The following PELI2 variants were observed in gnomAD, a reference collection of about 807,000 sequenced individuals.
PELI2 encodes the protein pellino E3 ubiquitin protein ligase family member 2.
In PELI2, 23 loss-of-function variants were observed where a neutral mutation model predicts 42.3. The ratio of observed to expected loss-of-function variants is 0.54; its 90% CI spans 0.39 to 0.77. PELI2 has a LOEUF of 0.77. PELI2 is among the 30% of genes least tolerant of loss of function. PELI2 has a pLI of 0.00. For synonymous variants in PELI2, 245 were observed against 212.2 expected (o/e 1.15, Z -1.34); for missense variants, 463 against 553.2 (o/e 0.84, Z 1.64).
Position 56,178,316 on chromosome 14 carries a change from C to T in PELI2, c.78-19C>T. 1 of 1,613,272 alleles carries T rather than the reference C, an allele frequency of 6.2e-7. No homozygotes were observed. Among genetic ancestry groups the T allele is most frequent in the Non-Finnish European group, 8.5e-7 (1 of 1,179,338 alleles). On this transcript the variant is annotated intron_variant, in intron 1 of 5. Coordinates refer to ENST00000267460, the MANE Select transcript of PELI2 (RefSeq NM_021255.3). Reference sequence around the variant, plus strand: ...TGAAAAATCTGCAGATAGATGAACTCTTTCCTCTCTGTTTCTAGGTACAAT... The same window carrying T: ...TGAAAAATCTGCAGATAGATGAACTTTTTCCTCTCTGTTTCTAGGTACAAT...
At chr14:56,272,617 C>G (rs1002339449) in intron 2 of PELI2, among the ~76,000 whole-genome samples, 2 of 152,208 alleles carry the variant, frequency 1.3e-5, no homozygotes, top group African/African-American at 2.4e-5. Context: ...TGGCCTTTGT[C>G]TTCTCTGGCA....
chr14:56,265,455 G>A (rs539938800), intron 2 of PELI2, among the ~76,000 whole-genome samples: 29 of 152,156 alleles, frequency 1.9e-4, no homozygotes, highest in Non-Finnish European at 4.0e-4. Flanking sequence ...TTTTCAGCGT[G>A]TACAAAAAGT....
intron 2 of PELI2, among the ~76,000 whole-genome samples, chr14:56,252,663 G>A (rs1406203344): frequency 3.3e-5 from 5 of 152,056 alleles, no homozygotes; most frequent in African/African-American, 7.2e-5. Flanking sequence ...AGAGCGAGAC[G>A]TCTGGAAAAA....
chr14:56,175,104 TCC>T (rs1030913597), intron 1 of PELI2, among the ~76,000 whole-genome samples: 4 of 152,180 alleles, frequency 2.6e-5, no homozygotes, highest in African/African-American at 9.7e-5. Flanking sequence ...CAAGTGATCT[TCC>T]CACCTCAGCC....
At chr14:56,272,491 C>T (rs993177053) in intron 2 of PELI2, among the ~76,000 whole-genome samples, 1 of 152,180 alleles carries the variant, frequency 6.6e-6, no homozygotes, top group Non-Finnish European at 1.5e-5. Context: ...GTTTGCAAAG[C>T]AGCCTCATAG....
chr14:56,127,973 T>C (rs1378773651), intron 1 of PELI2, among the ~76,000 whole-genome samples: 3 of 152,212 alleles, frequency 2.0e-5, no homozygotes, highest in Non-Finnish European at 4.4e-5. Context: ...TTGAGATGCA[T>C]GTGTGTATGT....
At chr14:56,206,481 C>A (rs1195264619) in intron 2 of PELI2, among the ~76,000 whole-genome samples, 1 of 151,574 alleles carries the variant, frequency 6.6e-6, no homozygotes, top group African/African-American at 2.4e-5. Context: ...ACGAAGCGCT[C>A]CAGTAAGTTG....
At chr14:56,132,427 T>C (rs528169801) in intron 1 of PELI2, among the ~76,000 whole-genome samples, 19 of 152,278 alleles carry the variant, frequency 1.2e-4, no homozygotes, top group South Asian at 6.2e-4. Flanking sequence ...AGGTCCGAAG[T>C]TGTGATGATA....
At chr14:56,266,092 T>C (rs1888893706) in intron 2 of PELI2, among the ~76,000 whole-genome samples, 1 of 152,074 alleles carries the variant, frequency 6.6e-6, no homozygotes, top group African/African-American at 2.4e-5. Flanking sequence ...CTATACCTTT[T>C]TATAAGCACT....
At chr14:56,220,240 T>C (rs1953211) in intron 2 of PELI2, among the ~76,000 whole-genome samples, 60,757 of 151,924 alleles carry the variant, frequency 0.4, 13,014 homozygotes, top group South Asian at 0.53. Context: ...GGATTGATGG[T>C]TTAACTCTCT....
chr14:56,226,742 T>C (rs1887370620), intron 2 of PELI2, among the ~76,000 whole-genome samples: 1 of 152,218 alleles, frequency 6.6e-6, no homozygotes, highest in Non-Finnish European at 1.5e-5. Context: ...TGCCCTGGGA[T>C]GTCTCCATTA....
At chr14:56,245,076 T>A (rs1888103026) in intron 2 of PELI2, among the ~76,000 whole-genome samples, 1 of 152,210 alleles carries the variant, frequency 6.6e-6, no homozygotes, top group African/African-American at 2.4e-5. Context: ...ATTTCCCACT[T>A]CTCTTAATTC....
intron 2 of PELI2, among the ~76,000 whole-genome samples, chr14:56,247,698 T>C (rs2139808197): frequency 6.6e-6 from 1 of 152,332 alleles, no homozygotes; most frequent in South Asian, 2.1e-4. Flanking sequence ...GGGCTCCTGT[T>C]ATGTTGAAAC....
rs1443904051 is a variant in PELI2 at position 56,264,514 on chromosome 14, A to G, written c.208-15162A>G. 2.6e-5 allele frequency among the ~76,000 whole-genome samples: 4 copies of G among 152,172 alleles called. 1 individual carries two copies. Among genetic ancestry groups the G allele is most frequent in the Admixed American group, 1.3e-4 (2 of 15,272 alleles). On this transcript the variant is annotated intron_variant, in intron 2 of 5. Coordinates refer to ENST00000267460, the MANE Select transcript of PELI2 (RefSeq NM_021255.3). The stretch of plus-strand genomic sequence containing the variant: ...GCACAGTGTATTAGGAAGCTGTGGG[A>G]AAGATGGTAAAGTGGCTAAATGATG...
chr14:56,118,691 GC>G lies in PELI2; in HGVS notation c.36del (p.Asn13IlefsTer5). 1 of 1,519,464 alleles carries G rather than the reference GC, an allele frequency of 6.6e-7. No homozygotes were observed. Among genetic ancestry groups the G allele is most frequent in the South Asian group, 1.2e-5 (1 of 81,810 alleles). 94.1% of individuals were successfully genotyped at this position (1,519,464 alleles called of 1,614,324 possible). ...TTCCCCTGGCCAGGAGGAACACTGC[GC>G]CCCCAATAAGGAGCCAGTGAAATAC... The part of the protein sequence containing the change: MFSPGQEEHC[A>X]PNKEPVKYGE... On this transcript the variant is annotated frameshift_variant, in exon 1 of 6. Transcript: ENST00000267460. LOFTEE classifies it high-confidence loss of function.
At chr14:56,137,803 CAG>C (rs1287410368) in intron 1 of PELI2, among the ~76,000 whole-genome samples, 2 of 152,188 alleles carry the variant, frequency 1.3e-5, no homozygotes, top group African/African-American at 4.8e-5. Context: ...TTGATCGTTG[CAG>C]AGAGTTCAGA....
rs560402973 is a variant in PELI2, at chr14:56,282,868, G to GT, written c.309+3098dup. Among the ~76,000 whole-genome samples the GT allele has an allele frequency of 3.3e-5, 5 of 151,908 alleles. No homozygotes were observed. In the South Asian group the frequency reaches 8.3e-4, roughly 25 times the overall value. On this transcript the variant is annotated intron_variant, in intron 3 of 5. Transcript: ENST00000267460. ...CATTAAAATTATTTTCAATTTATAA[G>GT]TTTTTTTACTACTTACAGTAGCAGT...
chr14:56,143,202 A>G (rs1161732713), intron 1 of PELI2, among the ~76,000 whole-genome samples: 2 of 152,232 alleles, frequency 1.3e-5, no homozygotes, highest in Middle Eastern at 3.4e-3. Flanking sequence ...CTGCCTCTCA[A>G]TTTGGGTTAG....
At chr14:56,126,040 C>T (rs1031323325) in intron 1 of PELI2, among the ~76,000 whole-genome samples, 3 of 152,156 alleles carry the variant, frequency 2.0e-5, no homozygotes, top group Non-Finnish European at 2.9e-5. Flanking sequence ...TCAAAGTTTC[C>T]CTGAGAAACT....
Sources: gnomAD v4.1 joint callset for allele counts (sites outside exome capture counted in the v4.1 genomes callset) on GRCh38, gnomAD v4.1.1 for gene constraint, MANE v1.5 for transcripts, NCBI Gene and HGNC (gene_info 2026-07-23, HGNC 2026-07-21) for gene names.